ATG5: variants seen among roughly 807,000 people sequenced by gnomAD.
ATG5 encodes autophagy related 5, also known as autophagy protein 5.
Under a neutral mutation model 36.5 loss-of-function variants are expected in ATG5, and 14 were observed. The ratio of observed to expected loss-of-function variants is 0.38; its 90% CI spans 0.25 to 0.60. ATG5 has a LOEUF of 0.60. ATG5 is among the 20% of genes least tolerant of loss of function. The pLI is 0.60. For synonymous variants in ATG5, 95 were observed against 101.5 expected, an observed-to-expected ratio of 0.94 and a Z score of 0.38; for missense variants, 195 against 326.7, an observed-to-expected ratio of 0.60 and a Z score of 3.11.
chr6:106,313,640 G>A (rs779125126), intron 2 of ATG5, among the ~76,000 whole-genome samples: 8 of 152,150 alleles, frequency 5.3e-5, no homozygotes, highest in Non-Finnish European at 8.8e-5. Context: ...AATGCTCAGT[G>A]ATAAACATAT....
intron 6 of ATG5, among the ~76,000 whole-genome samples, chr6:106,242,951 C>T (rs1183712340): frequency 2.0e-5 from 3 of 152,152 alleles, no homozygotes; most frequent in African/African-American, 7.2e-5. Context: ...CCATAATTTG[C>T]CACATATTTC....
chr6:106,306,387 TC>T (rs1004427748), intron 3 of ATG5, among the ~76,000 whole-genome samples: 1 of 152,168 alleles, frequency 6.6e-6, no homozygotes, highest in Non-Finnish European at 1.5e-5. Flanking sequence ...AATTGAGGTT[TC>T]CCAAATTTTC....
chr6:106,280,508 T>C (rs1295906889), intron 4 of ATG5, among the ~76,000 whole-genome samples: 1 of 152,072 alleles, frequency 6.6e-6, no homozygotes, highest in East Asian at 1.9e-4. Context: ...AAAAAGTAGA[T>C]TTTAAAGTCA....
intron 6 of ATG5, among the ~76,000 whole-genome samples, chr6:106,240,408 A>T (rs1778075455): frequency 6.7e-6 from 1 of 149,080 alleles, no homozygotes; most frequent in Non-Finnish European, 1.5e-5. Context: ...AGTTAAGAAG[A>T]AAAGATAGGC....
At chr6:106,264,708 A>C (rs1488443612) in intron 5 of ATG5, among the ~76,000 whole-genome samples, 2 of 152,212 alleles carry the variant, frequency 1.3e-5, no homozygotes, top group Non-Finnish European at 2.9e-5. Flanking sequence ...TAAAGAAAAG[A>C]ATTTTCAACC....
At position 106,288,114 on chromosome 6, in the gene ATG5, GCACCTAC is replaced by G. The variant is rs548987259; in HGVS notation, c.315+4907_315+4913del. On this transcript the variant is annotated intron_variant, in intron 4 of 7. Transcript: ENST00000369076. ...GCCTCCCGAGAAGCTGAGATTACAG[GCACCTAC>G]CACCATGCCCAGCTAATTTTTGTAT... Among the ~76,000 whole-genome samples, 340 of 151,936 alleles carry G rather than the reference GCACCTAC, an allele frequency of 2.2e-3. 2 individuals are homozygous for G. Among genetic ancestry groups the G allele is most frequent in the Non-Finnish European group, 3.7e-3 (250 of 67,952 alleles).
chr6:106,233,575 G>A lies in ATG5; in HGVS notation c.573+14575C>T, dbSNP rs149282411. ...GGCATACCTGAGTAAGGAAATTGAT[G>A]TAGTGGCAAAGGGTTGGCCTCATTG... On this transcript the variant is annotated intron_variant, in intron 6 of 7. Transcript: ENST00000369076. 2.8e-3 allele frequency among the ~76,000 whole-genome samples: 434 copies of A among 152,322 alleles called. 2 individuals carry two copies. Among genetic ancestry groups the A allele is most frequent in the Non-Finnish European group, 4.2e-3 (283 of 68,014 alleles).
At chr6:106,232,132 C>T (rs1368737147) in intron 6 of ATG5, among the ~76,000 whole-genome samples, 1 of 152,188 alleles carries the variant, frequency 6.6e-6, no homozygotes, top group Non-Finnish European at 1.5e-5. Context: ...GGGCAAGCAC[C>T]AGCCCATGCC....
At chr6:106,297,983 G>GA (rs1770036873) in intron 3 of ATG5, among the ~76,000 whole-genome samples, 1 of 87,884 alleles carries the variant, frequency 1.1e-5, no homozygotes. Context: ...TTTTTTTTTT[G>GA]AGACAGAGTC....
chr6:106,248,944 T>C (rs1778457373), intron 5 of ATG5, among the ~76,000 whole-genome samples: 1 of 151,790 alleles, frequency 6.6e-6, no homozygotes, highest in Admixed American at 6.6e-5. Context: ...GTCTCAAAAA[T>C]AAAAATAAAA....
intron 4 of ATG5, among the ~76,000 whole-genome samples, chr6:106,290,005 T>C (rs1023927322): frequency 6.6e-6 from 1 of 151,618 alleles, no homozygotes; most frequent in African/African-American, 2.4e-5. Flanking sequence ...CTACACCAAA[T>C]TTAACAAGTT....
At chr6:106,220,902 T>C (rs544865298) in intron 6 of ATG5, among the ~76,000 whole-genome samples, 1 of 152,296 alleles carries the variant, frequency 6.6e-6, no homozygotes, top group South Asian at 2.1e-4. Flanking sequence ...TTCTCTATGA[T>C]GGAAAGGGAC....
intron 4 of ATG5, among the ~76,000 whole-genome samples, chr6:106,287,534 T>C (rs1780127293): frequency 6.6e-6 from 1 of 152,174 alleles, no homozygotes; most frequent in Non-Finnish European, 1.5e-5. Flanking sequence ...CTGTCAACAT[T>C]CAAAATTAAA....
intron 5 of ATG5, among the ~76,000 whole-genome samples, chr6:106,249,527 C>A (rs1454505159): frequency 6.6e-6 from 1 of 152,126 alleles, no homozygotes; most frequent in African/African-American, 2.4e-5. Context: ...CGCTTTTTAT[C>A]TATTATAAAT....
intron 5 of ATG5, among the ~76,000 whole-genome samples, chr6:106,273,619 A>C (rs374146625): frequency 7.9e-6 from 1 of 127,324 alleles, no homozygotes; most frequent in African/African-American, 3.0e-5. Flanking sequence ...GAAAAGAAAG[A>C]AAAGTCCAGC....
chr6:106,304,838 T>C (rs1770377907), intron 3 of ATG5, among the ~76,000 whole-genome samples: 1 of 152,192 alleles, frequency 6.6e-6, no homozygotes, highest in South Asian at 2.1e-4. Flanking sequence ...ACACCTGTAA[T>C]CCCAGCACTT....
chr6:106,212,199 TACA>T (rs900361293), intron 6 of ATG5, among the ~76,000 whole-genome samples: 6 of 152,354 alleles, frequency 3.9e-5, no homozygotes, highest in East Asian at 3.9e-4. Context: ...CTCATTTTTG[TACA>T]ACAATTACTA....
intron 7 of ATG5, among the ~76,000 whole-genome samples, chr6:106,199,884 A>G (rs1776350573): frequency 6.6e-6 from 1 of 152,202 alleles, no homozygotes; most frequent in East Asian, 1.9e-4. Flanking sequence ...GATGTGTGTA[A>G]GACATCATCA....
At chr6:106,241,985 CCT>C (rs1354218042) in intron 6 of ATG5, among the ~76,000 whole-genome samples, 4 of 152,062 alleles carry the variant, frequency 2.6e-5, no homozygotes, top group African/African-American at 7.2e-5. Flanking sequence ...CTAATACACC[CCT>C]GTTCATGGCA....
Sources: gnomAD v4.1 joint callset for allele counts (sites outside exome capture counted in the v4.1 genomes callset) on GRCh38, gnomAD v4.1.1 for gene constraint, MANE v1.5 for transcripts, NCBI Gene and HGNC (gene_info 2026-07-23, HGNC 2026-07-21) for gene names.